The following DCX variants were observed in gnomAD, a reference collection of about 807,000 sequenced individuals.
DCX encodes the protein neuronal migration protein doublecortin.
A neutral mutation model predicts 20.9 loss-of-function variants in DCX; 4 were observed. That is an observed-to-expected ratio of 0.19 (90% CI 0.09 to 0.44). DCX has a LOEUF of 0.44. Among genes scored for constraint, DCX ranks in the 20% least tolerant of loss-of-function variants. DCX has a pLI of 0.99. For synonymous variants in DCX, 103 were observed against 111.4 expected, an observed-to-expected ratio of 0.92 and a Z score of 0.47; for missense variants, 133 against 296.9, an observed-to-expected ratio of 0.45 and a Z score of 4.06.
chrX:111,408,691 A>AAAGAAAGAAAGAAAGAAAGAAAGG (rs1268843561), intron 2 of DCX, among the ~76,000 whole-genome samples: 1 of 103,255 alleles, frequency 9.7e-6, no homozygotes, highest in Non-Finnish European at 2.0e-5. Context: ...AGAAAGAAAG[A>AAAGAAAGAAAGAAAGAAAGAAAGG]AAGGAAGGAA....
At chrX:111,355,008 G>A (rs1481183269) in intron 3 of DCX, among the ~76,000 whole-genome samples, 2 of 112,300 alleles carry the variant, frequency 1.8e-5, no homozygotes, top group African/African-American at 6.5e-5. Context: ...AGCACTAAGC[G>A]AAGAGACAAG....
At position 111,299,289 on chromosome X, in the gene DCX, G is replaced by A. The variant is rs1243140984; in HGVS notation, c.*2398C>T. ...CTCGATTAAAAGTAAGATGGAAGAT[G>A]TACTATTGTTATTGAAGATTGTTGG... On this transcript the variant is annotated 3_prime_UTR_variant, in exon 7 of 7. Coordinates refer to ENST00000636035, the MANE Select transcript of DCX (RefSeq NM_001195553.2). The A allele has an allele frequency of 9.0e-6, 1 of 111,628 alleles. No individual in the cohort carries two copies. Among genetic ancestry groups the A allele is most frequent in the Non-Finnish European group, 1.9e-5 (1 of 53,179 alleles). 9.2% of individuals were successfully genotyped at this position (111,628 alleles called of 1,213,427 possible). A position where few individuals can be genotyped will look rare whatever the true frequency, so the allele number is the denominator to read the frequency against.
At chrX:111,360,795 T>C (rs1449950270) in intron 3 of DCX, among the ~76,000 whole-genome samples, 2 of 111,862 alleles carry the variant, frequency 1.8e-5, no homozygotes, top group Non-Finnish European at 3.8e-5. Context: ...TTCACCCACA[T>C]AGAAAGAGCT....
At chrX:111,404,103 C>T (rs1005120350) in intron 2 of DCX, among the ~76,000 whole-genome samples, 10 of 55,317 alleles carry the variant, frequency 1.8e-4, no homozygotes, top group Admixed American at 5.9e-4. Context: ...ATGCTGATCC[C>T]AGAGCCTGGA....
chrX:111,370,588 A>G (rs1222486933), intron 3 of DCX, among the ~76,000 whole-genome samples: 1 of 111,471 alleles, frequency 9.0e-6, no homozygotes, highest in Non-Finnish European at 1.9e-5. Flanking sequence ...AGTTCTGTGC[A>G]TATCACTCAC....
At chrX:111,363,541 G>A (rs1924378898) in intron 3 of DCX, among the ~76,000 whole-genome samples, 1 of 107,605 alleles carries the variant, frequency 9.3e-6, no homozygotes, top group Non-Finnish European at 1.9e-5. Flanking sequence ...TTCTGTTTGA[G>A]TTTTTGGAAC....
chrX:111,384,615 T>C (rs921360172), intron 3 of DCX, among the ~76,000 whole-genome samples: 1 of 111,908 alleles, frequency 8.9e-6, no homozygotes, highest in African/African-American at 3.2e-5. Context: ...TGCGGTTTAA[T>C]GATTATAAAG....
intron 3 of DCX, among the ~76,000 whole-genome samples, chrX:111,377,983 G>T (rs1925673528): frequency 1.8e-5 from 2 of 111,050 alleles, no homozygotes; most frequent in South Asian, 7.6e-4. Context: ...CAGTGAGAAG[G>T]CAGGACCAGG....
intron 2 of DCX, among the ~76,000 whole-genome samples, chrX:111,409,116 C>A (rs1035321596): frequency 9.0e-6 from 1 of 110,947 alleles, no homozygotes; most frequent in African/African-American, 3.3e-5. Context: ...TGTATTAGGT[C>A]AAATTGATCA....
rs1002014644 is a variant in DCX at position 111,294,033 on chromosome X, G to C, written c.*7654C>G. The C allele has an allele frequency of 8.9e-6, 1 of 111,882 alleles. No individual in the cohort carries two copies. Among genetic ancestry groups the C allele is most frequent in the East Asian group, 2.8e-4 (1 of 3,538 alleles). The allele number at this position is 111,882 out of a possible 1,213,427, so 9.2% of individuals were successfully genotyped here. ...GCCCTCATTGAATTGCGGAGGGGGT[G>C]GGGGAAGAGGGGTGTTACAGGCACA... On this transcript the variant is annotated 3_prime_UTR_variant, in exon 7 of 7. Coordinates refer to ENST00000636035, the MANE Select transcript of DCX (RefSeq NM_001195553.2).
Position 111,299,597 on chromosome X carries a change from C to T in DCX, c.*2090G>A, listed in dbSNP as rs1200274359. The T allele has an allele frequency of 9.0e-6, 1 of 111,352 alleles. No homozygotes were observed. The highest frequency in any genetic ancestry group is 3.3e-5 in the African/African-American group (1 of 30,548). 9.2% of individuals were successfully genotyped at this position (111,352 alleles called of 1,213,427 possible). A position where few individuals can be genotyped will look rare whatever the true frequency, so the allele number is the denominator to read the frequency against. On this transcript the variant is annotated 3_prime_UTR_variant, in exon 7 of 7. Coordinates refer to ENST00000636035, the MANE Select transcript of DCX (RefSeq NM_001195553.2). ...ATTCTTTATGCCCACACCCCCTAAT[C>T]CAAGTATCACTTTTTCCCAATTAAC...
chrX:111,368,126 GT>G (rs1924771817), intron 3 of DCX, among the ~76,000 whole-genome samples: 1 of 111,251 alleles, frequency 9.0e-6, no homozygotes, highest in Non-Finnish European at 1.9e-5. Flanking sequence ...TGCCATTTCT[GT>G]TTTCAAAACA....
intron 3 of DCX, among the ~76,000 whole-genome samples, chrX:111,381,156 CT>C (rs1249228064): frequency 5.6e-5 from 6 of 106,626 alleles, no homozygotes; most frequent in Admixed American, 1.0e-4. Context: ...AATATAATTT[CT>C]TTTTTTTTTC....
At chrX:111,311,846 C>T (rs904437374) in intron 6 of DCX, among the ~76,000 whole-genome samples, 3 of 112,245 alleles carry the variant, frequency 2.7e-5, no homozygotes, top group African/African-American at 9.7e-5. Context: ...TACCATCTCA[C>T]ACCAAGTCTT....
chrX:111,379,979 C>T (rs889982579), intron 3 of DCX, among the ~76,000 whole-genome samples: 5 of 111,585 alleles, frequency 4.5e-5, no homozygotes, highest in African/African-American at 1.6e-4. Flanking sequence ...CATGTACGTG[C>T]TCCTTGGAGA....
At chrX:111,314,916 G>C (rs1265807442) in intron 5 of DCX, among the ~76,000 whole-genome samples, 1 of 110,012 alleles carries the variant, frequency 9.1e-6, no homozygotes, top group Admixed American at 9.6e-5. Context: ...TAGGTTGCCT[G>C]TTCACTCTGA....
chrX:111,394,982 A>G (rs1157587572), intron 3 of DCX, among the ~76,000 whole-genome samples: 3 of 112,309 alleles, frequency 2.7e-5, no homozygotes, highest in East Asian at 2.8e-4. Context: ...AGATCTGAAT[A>G]TAAGAATTAT....
chrX:111,324,778 AT>A (rs1388357663), intron 5 of DCX, among the ~76,000 whole-genome samples: 2 of 112,103 alleles, frequency 1.8e-5, no homozygotes, highest in Non-Finnish European at 3.8e-5. Context: ...CAGGGAATTC[AT>A]CTTAACATCC....
chrX:111,411,818 G>C (rs907749888), intron 1 of DCX: 1 of 111,688 alleles, frequency 9.0e-6, no homozygotes, highest in Non-Finnish European at 1.9e-5. Context: ...GTCTCTGTCA[G>C]ACAACCTGCA....
Sources: allele counts gnomAD v4.1 joint callset (sites outside exome capture counted in the v4.1 genomes callset), GRCh38; gene constraint gnomAD v4.1.1; transcripts MANE v1.5; gene names NCBI Gene and HGNC (gene_info 2026-07-23, HGNC 2026-07-21).